Variants in SMPDL3B observed in about 807,000 individuals in gnomAD.
SMPDL3B encodes the protein acid sphingomyelinase-like phosphodiesterase 3b.
In SMPDL3B, 31 loss-of-function variants were observed where a neutral mutation model predicts 37.9. That is an observed-to-expected ratio of 0.82 (90% confidence interval 0.61 to 1.10). The LOEUF is 1.10. Among genes scored for constraint, SMPDL3B ranks in the 50% least tolerant of loss-of-function variants. The pLI is 0.00. For missense variants in SMPDL3B, 525 were observed against 597.8 expected, an observed-to-expected ratio of 0.88 and a Z score of 1.27; for synonymous variants, 235 against 242.6, an observed-to-expected ratio of 0.97 and a Z score of 0.29.
rs1449107091 is a variant in SMPDL3B, at chr1:27,954,343, G to A, written c.518-11G>A. On this transcript the variant is annotated splice_polypyrimidine_tract_variant and intron_variant, in intron 4 of 7. Transcript: ENST00000373894. The stretch of plus-strand genomic sequence containing the variant: ...TGGGGGCCTCCTTCATATTGTCCCT[G>A]GCTGTGACAGGTGCCTTCTACTGTG... The A allele has an allele frequency of 6.2e-7, 1 of 1,611,772 alleles. No individual in the cohort carries two copies. The highest frequency in any genetic ancestry group is 1.7e-5 in the Admixed American group (1 of 59,910).
In SMPDL3B at chr1:27,945,437, C is replaced by G; in HGVS notation, c.267C>G (p.Leu89=). The change falls in exon 2 of 8, where the codon CTC becomes CTG. Residue 89 remains leucine, a synonymous_variant. Transcript: ENST00000373894. The surrounding 1 kb of genome is among the most constrained non-coding windows in gnomAD (Gnocchi z 4.0). ...TTGAGCCAGAGCCAGACTTCATTCTCTGGACTGGGTGAGTACAGTTGAGGT... is the reference window on the plus strand; with the variant it reads ...TTGAGCCAGAGCCAGACTTCATTCTGTGGACTGGGTGAGTACAGTTGAGGT... ...KEIEPEPDFI[L]WTGDDTPHVP... 2 of 1,613,866 alleles carry G rather than the reference C, an allele frequency of 1.2e-6. No individual in the cohort carries two copies. The highest frequency in any genetic ancestry group is 1.7e-6 in the Non-Finnish European group (2 of 1,179,758).
chr1:27,935,120 G>A lies in SMPDL3B; in HGVS notation c.-64G>A. ...GTGGCCACAGAAAACTACTTAGGAA[G>A]CCTGTGGTGAGAACAACAACAGTGC... On this transcript the variant is annotated 5_prime_UTR_variant, in exon 1 of 8. Transcript: ENST00000373894. 7.6e-7 allele frequency: 1 copy of A among 1,307,586 alleles called. No homozygotes were observed. Among genetic ancestry groups the A allele is most frequent in the Non-Finnish European group, 1.1e-6 (1 of 905,878 alleles). 81.0% of individuals were successfully genotyped at this position (1,307,586 alleles called of 1,614,324 possible). A position where few individuals can be genotyped will look rare whatever the true frequency, so the allele number is the denominator to read the frequency against.
chr1:27,953,081 C>T (rs2090467099), intron 3 of SMPDL3B, 134 bp from the exon 4 acceptor site: 1 of 656,982 alleles, frequency 1.5e-6, no homozygotes, highest in South Asian at 2.0e-5. Flanking sequence ...ATGTGGGTTT[C>T]CTATCTGTGT....
chr1:27,952,787 T>G (rs559848143), intron 3 of SMPDL3B, among the ~76,000 whole-genome samples: 6 of 152,206 alleles, frequency 3.9e-5, no homozygotes, highest in Non-Finnish European at 8.8e-5. Flanking sequence ...AATAAGATAC[T>G]TGCTGACTGC....
In SMPDL3B at chr1:27,935,382, G is replaced by A. The variant is rs1305303864; in HGVS notation, c.61+138G>A. ...CTAGGCAGGGAGGCAGGTGGGGAGA[G>A]CTAGTGGGCCTTAGCAAGTGCTGTT... On this transcript the variant is annotated intron_variant, in intron 1 of 7. Coordinates refer to ENST00000373894, the MANE Select transcript of SMPDL3B (RefSeq NM_014474.4). The A allele has an allele frequency of 1.8e-5, 12 of 650,600 alleles. No homozygotes were observed. The Admixed American group carries it at 3.3e-4, about 18-fold the overall frequency. The allele number at this position is 650,600 out of a possible 1,614,324, so 40.3% of individuals were successfully genotyped here.
intron 3 of SMPDL3B, among the ~76,000 whole-genome samples, chr1:27,950,789 C>A (rs1026039311): frequency 6.6e-6 from 1 of 152,204 alleles, no homozygotes; most frequent in African/African-American, 2.4e-5. Flanking sequence ...ACCACCATAG[C>A]CAGCTAATTT....
chr1:27,959,016 G>A lies in SMPDL3B; in HGVS notation c.*178G>A. The A allele has an allele frequency of 1.3e-6, 1 of 741,832 alleles. No homozygotes were observed. The highest frequency in any genetic ancestry group is 2.1e-6 in the Non-Finnish European group (1 of 472,332). The allele number at this position is 741,832 out of a possible 1,614,324, so 46.0% of individuals were successfully genotyped here. On this transcript the variant is annotated 3_prime_UTR_variant, in exon 8 of 8. Transcript: ENST00000373894. ...TCCGTGATCGCGCCACTGCACTCCA[G>A]CCTGGGTGACAAAGCCAGACTCTCT...
chr1:27,954,615 G>T, intron 5 of SMPDL3B, 89 bp downstream of exon 5: 1 of 1,270,724 alleles, frequency 7.9e-7, no homozygotes, highest in East Asian at 2.3e-5. Context: ...CCCACCCAAA[G>T]ATGCCCATAT....
Position 27,935,216 on chromosome 1 carries a change from T to C in SMPDL3B, c.33T>C (p.Ala11=). 1 of 1,613,902 alleles carries C rather than the reference T, an allele frequency of 6.2e-7. No homozygotes were observed. The highest frequency in any genetic ancestry group is 8.5e-7 in the Non-Finnish European group (1 of 1,179,776). Residue 11 remains alanine (A), a synonymous_variant, in exon 1 of 8, where the codon GCT becomes GCC. Transcript: ENST00000373894. Reference sequence around the variant, plus strand: ...TGCTCGCCTGGCTGATTTTCCTGGCTAACTGGGGAGGTGCCAGGGCTGAAC... The same window carrying C: ...TGCTCGCCTGGCTGATTTTCCTGGCCAACTGGGGAGGTGCCAGGGCTGAAC... The part of the protein sequence containing the change: MRLLAWLIFL[A]NWGGARAEPG...
chr1:27,943,626 C>T lies in SMPDL3B; in HGVS notation c.62-1606C>T, dbSNP rs140681166. ...TAGCAGAGGGTGAGGAAATCCTGGG[C>T]GTCATTCTTGTTTTATCGAGAAACA... is the stretch of plus-strand genomic sequence containing the variant. On this transcript the variant is annotated intron_variant, in intron 1 of 7. Coordinates refer to ENST00000373894, the MANE Select transcript of SMPDL3B (RefSeq NM_014474.4). 3.9e-5 allele frequency among the ~76,000 whole-genome samples: 6 copies of T among 152,194 alleles called. No individual in the cohort carries two copies. In the East Asian group the frequency reaches 9.6e-4, roughly 24 times the overall value.
Position 27,955,982 on chromosome 1 carries a change from G to T in SMPDL3B, c.905G>T (p.Gly302Val), listed in dbSNP as rs754728457. ...VPISAMFITPGVTPWKTTLPG... is the reference protein window; with the variant it reads ...VPISAMFITPVVTPWKTTLPG... ...ATAAGCGCCATGTTCATCACACCTG[G>T]AGTCACCCCATGGAAAACCACATTA... Residue 302 changes from glycine to valine, a missense_variant, in exon 7 of 8, where the codon GGA (glycine) becomes GTA (valine). Physicochemically the swap from Gly to Val is moderately radical, Grantham distance 109. Coordinates refer to ENST00000373894, the MANE Select transcript of SMPDL3B (RefSeq NM_014474.4). 1.2e-6 allele frequency: 2 copies of T among 1,614,060 alleles called. No homozygotes were observed. The highest frequency in any genetic ancestry group is 2.2e-5 in the South Asian group (2 of 91,076).
chr1:27,954,584 C>A (rs530055997), intron 5 of SMPDL3B, 58 bp downstream of exon 5: 2 of 1,546,372 alleles, frequency 1.3e-6, no homozygotes, highest in South Asian at 1.2e-5. Context: ...ACAAGTCTCC[C>A]GCTTGGCACA....
chr1:27,959,041 TCCAAAAACAAA>T lies in SMPDL3B; in HGVS notation c.*207_*217del. On this transcript the variant is annotated 3_prime_UTR_variant, in exon 8 of 8. Coordinates refer to ENST00000373894, the MANE Select transcript of SMPDL3B (RefSeq NM_014474.4). ...GCCTGGGTGACAAAGCCAGACTCTCTCCAAAAACAAACCAGAAACAGAAAAGAAATGACGAC... is the reference window on the plus strand; with the variant it reads ...GCCTGGGTGACAAAGCCAGACTCTCTCCAGAAACAGAAAAGAAATGACGAC... 1 of 588,716 alleles carries T rather than the reference TCCAAAAACAAA, an allele frequency of 1.7e-6. No individual in the cohort carries two copies. Among genetic ancestry groups the T allele is most frequent in the Non-Finnish European group, 2.9e-6 (1 of 342,630 alleles). The allele number at this position is 588,716 out of a possible 1,614,324, so 36.5% of individuals were successfully genotyped here.
chr1:27,957,053 A>G (rs1422140218), intron 7 of SMPDL3B, among the ~76,000 whole-genome samples: 2 of 151,994 alleles, frequency 1.3e-5, no homozygotes. Context: ...GTGGGAGGGG[A>G]GGTCCGATCT....
chr1:27,956,529 G>A lies in SMPDL3B; in HGVS notation c.1005+447G>A, dbSNP rs78033053. 5.3e-3 allele frequency: 5,627 copies of A among 1,069,972 alleles called. 21 individuals carry two copies. The highest frequency in any genetic ancestry group is 8.7e-3 in the African/African-American group (525 of 60,380). 66.3% of individuals were successfully genotyped at this position (1,069,972 alleles called of 1,614,324 possible). On this transcript the variant is annotated intron_variant, in intron 7 of 7. Coordinates refer to ENST00000373894, the MANE Select transcript of SMPDL3B (RefSeq NM_014474.4). ...TTCAAGCCCATTGTCCACATTTTCC[G>A]TACACAGACGAGGCTCCAGCCCCTA...
chr1:27,936,004 T>C (rs964871968), intron 1 of SMPDL3B, among the ~76,000 whole-genome samples: 3 of 152,168 alleles, frequency 2.0e-5, no homozygotes, highest in African/African-American at 7.2e-5. Flanking sequence ...TGCCAAATCA[T>C]GGATAGCCTC....
In SMPDL3B at chr1:27,955,981, G is replaced by C. The variant is rs751535121; in HGVS notation, c.904G>C (p.Gly302Arg). The C allele has an allele frequency of 6.2e-7, 1 of 1,613,970 alleles. No individual in the cohort carries two copies. Among genetic ancestry groups the C allele is most frequent in the African/African-American group, 1.3e-5 (1 of 74,884 alleles). ...CATAAGCGCCATGTTCATCACACCT[G>C]GAGTCACCCCATGGAAAACCACATT... Reference protein sequence around the residue: ...VPISAMFITPGVTPWKTTLPG... With the variant: ...VPISAMFITPRVTPWKTTLPG... The change falls in exon 7 of 8, where the codon GGA becomes CGA. Residue 302 changes from glycine to arginine, a missense_variant. Gly to Arg is a moderately radical substitution (Grantham distance 125, BLOSUM62 -2). Coordinates refer to ENST00000373894, the MANE Select transcript of SMPDL3B (RefSeq NM_014474.4).
chr1:27,949,109 C>T lies in SMPDL3B; in HGVS notation c.320C>T (p.Ala107Val), dbSNP rs747859939. ...HVPDEKLGEA[A>V]VLEIVERLTK... Reference sequence around the variant, plus strand: ...CCCGATGAGAAACTGGGAGAGGCAGCTGTACTGGAAATTGTGGAACGCCTG... The same window carrying T: ...CCCGATGAGAAACTGGGAGAGGCAGTTGTACTGGAAATTGTGGAACGCCTG... The change falls in exon 3 of 8, where the codon GCT becomes GTT. Residue 107 changes from alanine to valine, a missense_variant. Ala to Val is a moderately conservative substitution (Grantham distance 64). Transcript: ENST00000373894. 31 of 1,614,102 alleles carry T rather than the reference C, an allele frequency of 1.9e-5. No homozygotes were observed. The East Asian group carries it at 6.5e-4, about 34-fold the overall frequency.
At chr1:27,950,574 C>T (rs966212075) in intron 3 of SMPDL3B, among the ~76,000 whole-genome samples, 2 of 152,192 alleles carry the variant, frequency 1.3e-5, no homozygotes, top group Non-Finnish European at 2.9e-5. Flanking sequence ...CCATCTCACT[C>T]TCCTAAGTAG....
Sources: gnomAD v4.1 joint callset for allele counts (sites outside exome capture counted in the v4.1 genomes callset) on GRCh38, gnomAD v4.1.1 for gene constraint, Gnocchi (gnomAD v3.1) non-coding constraint, MANE v1.5 for transcripts, NCBI Gene and HGNC (gene_info 2026-07-23, HGNC 2026-07-21) for gene names.